Variants in ACLY observed in about 807,000 individuals in gnomAD.
ACLY encodes ATP citrate lyase.
ACLY carries 41 observed loss-of-function variants against 133.0 expected under a neutral mutation model. The ratio of observed to expected loss-of-function variants is 0.31; its 90% confidence interval spans 0.24 to 0.40. The LOEUF (loss-of-function observed/expected upper bound fraction) is 0.40. Among genes scored for constraint, ACLY ranks in the 10% least tolerant of loss-of-function variants. The pLI, the probability that ACLY is intolerant of heterozygous loss-of-function variation, is 1.00. For synonymous variants in ACLY, 495 were observed against 549.3 expected (o/e 0.90, Z 1.38); for missense variants, 1,046 against 1,453.8 (o/e 0.72, Z 4.56).
rs566453838 is a variant in ACLY, at chr17:41,884,788, G to T, written c.2073-514C>A. Among the ~76,000 whole-genome samples the T allele has an allele frequency of 2.0e-5, 3 of 152,342 alleles. No homozygotes were observed. In the South Asian group the frequency reaches 6.2e-4, roughly 32 times the overall value. On this transcript the variant is annotated intron_variant, in intron 18 of 28. Transcript: ENST00000352035. ...TACAGTCCTAGCTACTCAGGTGGCT[G>T]AGACGGGAGGATCGCTTGAATTTTT... is the stretch of plus-strand genomic sequence containing the variant.
chr17:41,875,842 G>A (rs1388256478), intron 22 of ACLY, among the ~76,000 whole-genome samples: 1 of 152,166 alleles, frequency 6.6e-6, no homozygotes, highest in Non-Finnish European at 1.5e-5. Context: ...TGCCGAGATT[G>A]CAGCCTCTGC....
chr17:41,879,011 G>T (rs2048835515), intron 20 of ACLY, 87 bp from the exon 21 acceptor site: 1 of 1,538,624 alleles, frequency 6.5e-7, no homozygotes, highest in Admixed American at 1.7e-5. Context: ...CACTTTACAT[G>T]AATCACTTCA....
Position 41,869,231 on chromosome 17 carries a change from A to G in ACLY, c.3052-106T>C. The G allele has an allele frequency of 5.5e-6, 6 of 1,093,136 alleles. No homozygotes were observed. The South Asian group carries it at 7.0e-5, about 13-fold the overall frequency. 67.7% of individuals were successfully genotyped at this position (1,093,136 alleles called of 1,614,324 possible). On this transcript the variant is annotated intron_variant, in intron 26 of 28. Coordinates refer to ENST00000352035, the MANE Select transcript of ACLY (RefSeq NM_001096.3). ...TACGAATTGTGACCATCATTTAAAA[A>G]CCTTCTACCAGCCCCACTGGTCGAC... is the stretch of plus-strand genomic sequence containing the variant.
At chr17:41,881,534 A>G (rs768435631) in intron 20 of ACLY, among the ~76,000 whole-genome samples, 5 of 152,130 alleles carry the variant, frequency 3.3e-5, no homozygotes, top group Non-Finnish European at 5.9e-5. Flanking sequence ...GACCTTTACA[A>G]TTACTTCCTC....
chr17:41,908,899 A>G, intron 6 of ACLY, 90 bp downstream of exon 6: 1 of 1,065,214 alleles, frequency 9.4e-7, no homozygotes, highest in Non-Finnish European at 1.4e-6. Context: ...ACCCTCTGGC[A>G]AGTGGGAGTC....
chr17:41,923,300 A>C (rs943779854), upstream of ACLY, among the ~76,000 whole-genome samples: 12 of 152,246 alleles, frequency 7.9e-5, no homozygotes, highest in Non-Finnish European at 1.3e-4. Flanking sequence ...CACCATCTCC[A>C]AGCCCAGGTT....
chr17:41,920,678 A>C (rs1479623452), upstream of ACLY, among the ~76,000 whole-genome samples: 1 of 151,462 alleles, frequency 6.6e-6, no homozygotes, highest in African/African-American at 2.4e-5. Flanking sequence ...AGGCCAAGTC[A>C]GGCAGATTGC....
At chr17:41,913,639 C>A (rs925994819) in intron 2 of ACLY, 76 bp downstream of exon 2, 6 of 1,509,962 alleles carry the variant, frequency 4.0e-6, no homozygotes, top group Admixed American at 1.8e-5. Context: ...CTATCGGCAT[C>A]ACCAACAAAC....
intron 22 of ACLY, among the ~76,000 whole-genome samples, chr17:41,877,385 C>T (rs917135160): frequency 7.9e-5 from 12 of 151,910 alleles, no homozygotes; most frequent in African/African-American, 2.2e-4. Flanking sequence ...TCAGGTGATC[C>T]GCCCACCCTG....
At chr17:41,912,994 G>A (rs1353659722) in intron 2 of ACLY, among the ~76,000 whole-genome samples, 1 of 152,172 alleles carries the variant, frequency 6.6e-6, no homozygotes, top group Non-Finnish European at 1.5e-5. Context: ...GTCTACAACA[G>A]GCCCAATAAG....
chr17:41,909,475 G>A lies in ACLY; in HGVS notation c.536+35C>T, dbSNP rs782212458. On this transcript the variant is annotated intron_variant, in intron 5 of 28. Coordinates refer to ENST00000352035, the MANE Select transcript of ACLY (RefSeq NM_001096.3). ...CCAGAGCCTGTCGGTCTTCTCATCC[G>A]AACTGCCACCTCCCTACCGTCCCTC... The A allele has an allele frequency of 3.1e-5, 49 of 1,603,710 alleles. 3 individuals are homozygous for A. The South Asian group carries it at 3.8e-4, about 12-fold the overall frequency.
intron 20 of ACLY, among the ~76,000 whole-genome samples, chr17:41,881,754 G>A (rs889476002): frequency 1.3e-5 from 2 of 152,078 alleles, no homozygotes; most frequent in South Asian, 2.1e-4. Context: ...CTGCCACCAC[G>A]TCTGGCTACA....
chr17:41,874,423 C>T (rs903651994), intron 22 of ACLY, among the ~76,000 whole-genome samples: 1 of 152,056 alleles, frequency 6.6e-6, no homozygotes, highest in Admixed American at 6.5e-5. Context: ...AGGCACGCAC[C>T]GCCACGCCTG....
At chr17:41,916,665 C>T (rs1406382859) in intron 1 of ACLY, among the ~76,000 whole-genome samples, 1 of 150,054 alleles carries the variant, frequency 6.7e-6, no homozygotes, top group African/African-American at 2.4e-5. Context: ...CATGAGCCAC[C>T]ACGCCCGGCC....
Position 41,917,972 on chromosome 17 carries a change from C to A in ACLY, c.-24+908G>T, listed in dbSNP as rs1165034777. On this transcript the variant is annotated intron_variant, in intron 1 of 28. Transcript: ENST00000352035. Reference sequence around the variant, plus strand: ...GAGTAGGCTAGCTGGCCAAACTGTGCTGTGCACTTTTCCTTATCGTCTCTT... The same window carrying A: ...GAGTAGGCTAGCTGGCCAAACTGTGATGTGCACTTTTCCTTATCGTCTCTT... 2.0e-5 allele frequency among the ~76,000 whole-genome samples: 3 copies of A among 152,190 alleles called. No homozygotes were observed. In the East Asian group the frequency reaches 5.8e-4, roughly 29 times the overall value.
chr17:41,924,090 T>C (rs748258664), intron 1 of ACLY, among the ~76,000 whole-genome samples: 14 of 152,108 alleles, frequency 9.2e-5, no homozygotes, highest in South Asian at 2.1e-4. Flanking sequence ...ATTACAGGTG[T>C]GAGCCACCAC....
intron 14 of ACLY, 68 bp downstream of exon 14, chr17:41,896,552 C>A: frequency 7.1e-7 from 1 of 1,409,732 alleles, no homozygotes; most frequent in African/African-American, 1.5e-5. Context: ...GGAAACAGAG[C>A]ACACAGTAAA....
At chr17:41,917,134 C>CAAAAAA (rs35545409) in intron 1 of ACLY, among the ~76,000 whole-genome samples, 3 of 53,550 alleles carry the variant, frequency 5.6e-5, no homozygotes, top group Non-Finnish European at 1.1e-4. Context: ...GACTCTGTCT[C>CAAAAAA]AAAAAAAAAA....
intron 7 of ACLY, 51 bp downstream of exon 7, chr17:41,907,391 C>T (rs367908037): frequency 4.5e-6 from 7 of 1,568,102 alleles, no homozygotes; most frequent in Non-Finnish European, 6.1e-6. Flanking sequence ...GATGAGTCAC[C>T]TCCCCACCGC....
Sources: allele counts gnomAD v4.1 joint callset (sites outside exome capture counted in the v4.1 genomes callset), GRCh38; gene constraint gnomAD v4.1.1; transcripts MANE v1.5; gene names NCBI Gene and HGNC (gene_info 2026-07-23, HGNC 2026-07-21).